PCDH7: variants seen among roughly 807,000 people sequenced by gnomAD.
The protein encoded by PCDH7 is protocadherin-7.
PCDH7 carries 17 observed loss-of-function variants against 58.9 expected under a neutral mutation model. The observed-to-expected ratio is 0.29, with a 90% CI of 0.20 to 0.43. The LOEUF is 0.43. Among genes scored for constraint, PCDH7 ranks in the 20% least tolerant of loss-of-function variants. The pLI is 1.00. For synonymous variants in PCDH7, 664 were observed against 616.4 expected (o/e 1.08, Z -1.14); for missense variants, 1,274 against 1,441.0 (o/e 0.88, Z 1.88).
chr4:30,750,913 T>C lies in PCDH7; in HGVS notation c.70+26317T>C, dbSNP rs755151877. 2.0e-4 allele frequency among the ~76,000 whole-genome samples: 31 copies of C among 152,264 alleles called. 1 individual carries two copies. The highest frequency in any genetic ancestry group is 4.4e-4 in the Non-Finnish European group (30 of 68,020). ...TTTTTTTCCAGGATGTAGAAAGTTC[T>C]TGCAGAATAGGTGATATTTACAGAG... On this transcript the variant is annotated intron_variant, in intron 1 of 3. Transcript: ENST00000509759.
At chr4:31,058,753 T>C (rs1029261524) in intron 3 of PCDH7, among the ~76,000 whole-genome samples, 7 of 151,968 alleles carry the variant, frequency 4.6e-5, no homozygotes, top group Admixed American at 1.3e-4. Flanking sequence ...TAATAAACAC[T>C]CTCTCATGTA....
intron 3 of PCDH7, among the ~76,000 whole-genome samples, chr4:31,030,783 A>G (rs569181305): frequency 1.8e-4 from 28 of 152,200 alleles, no homozygotes; most frequent in Non-Finnish European, 3.4e-4. Context: ...TGTCTATACC[A>G]TTCTTCAGAT....
At chr4:30,966,845 A>T (rs1749038994) in intron 3 of PCDH7, among the ~76,000 whole-genome samples, 1 of 152,136 alleles carries the variant, frequency 6.6e-6, no homozygotes, top group Non-Finnish European at 1.5e-5. Context: ...AAATCCTATT[A>T]TTCTTGTGAG....
intron 1 of PCDH7, among the ~76,000 whole-genome samples, chr4:30,887,630 G>C (rs574020251): frequency 6.6e-6 from 1 of 152,248 alleles, no homozygotes; most frequent in East Asian, 1.9e-4. Flanking sequence ...CAGTAAACAA[G>C]TGTGATTACA....
intron 1 of PCDH7, among the ~76,000 whole-genome samples, chr4:30,889,172 G>A (rs914295447): frequency 2.4e-4 from 33 of 135,420 alleles, no homozygotes; most frequent in African/African-American, 8.9e-4. Flanking sequence ...AGAAAATACT[G>A]TATATTTACT....
At chr4:30,889,862 T>A (rs1209722195) in intron 1 of PCDH7, among the ~76,000 whole-genome samples, 2 of 152,136 alleles carry the variant, frequency 1.3e-5, no homozygotes, top group South Asian at 2.1e-4. Flanking sequence ...GACACAGACA[T>A]AACATTCAGA....
intron 1 of PCDH7, among the ~76,000 whole-genome samples, chr4:30,908,257 A>G (rs998649395): frequency 1.4e-5 from 2 of 147,200 alleles, no homozygotes; most frequent in South Asian, 4.3e-4. Context: ...AAAAAAAAAG[A>G]AGAAAAGAAA....
intron 3 of PCDH7, among the ~76,000 whole-genome samples, chr4:31,066,775 A>G (rs1184281097): frequency 1.3e-5 from 2 of 151,948 alleles, no homozygotes; most frequent in African/African-American, 4.8e-5. Context: ...ATTAAATATT[A>G]TTTCATAAAG....
At chr4:30,860,343 G>GA (rs1734035436) in intron 1 of PCDH7, among the ~76,000 whole-genome samples, 2 of 151,862 alleles carry the variant, frequency 1.3e-5, no homozygotes, top group Admixed American at 1.3e-4. Flanking sequence ...CACTGAATTA[G>GA]AAAAAGTCAC....
intron 3 of PCDH7, among the ~76,000 whole-genome samples, chr4:31,056,629 G>A (rs1039450406): frequency 1.3e-5 from 2 of 150,004 alleles, no homozygotes; most frequent in Non-Finnish European, 3.0e-5. Flanking sequence ...AAGACAGAGA[G>A]AGAGAGGAGA....
chr4:30,771,462 C>CTTA (rs1721388778), intron 1 of PCDH7, among the ~76,000 whole-genome samples: 1 of 152,138 alleles, frequency 6.6e-6, no homozygotes, highest in Admixed American at 6.5e-5. Flanking sequence ...GTCAGAGGAT[C>CTTA]TTAGCATTCA....
chr4:30,927,441 GA>G (rs1457840184), intron 2 of PCDH7, among the ~76,000 whole-genome samples: 3 of 151,808 alleles, frequency 2.0e-5, no homozygotes, highest in Non-Finnish European at 2.9e-5. Context: ...AAAAGATTGA[GA>G]AATCGGATGG....
chr4:30,976,382 C>A (rs1046023248), intron 3 of PCDH7, among the ~76,000 whole-genome samples: 1 of 149,716 alleles, frequency 6.7e-6, no homozygotes, highest in African/African-American at 2.5e-5. Flanking sequence ...TGAGCCACCA[C>A]GCCGGGCCAT....
At chr4:30,907,470 C>T (rs1741109836) in intron 1 of PCDH7, among the ~76,000 whole-genome samples, 2 of 152,164 alleles carry the variant, frequency 1.3e-5, no homozygotes, top group African/African-American at 2.4e-5. Flanking sequence ...CAAAAGAAGA[C>T]ATTTACTCAG....
intron 3 of PCDH7, among the ~76,000 whole-genome samples, chr4:31,079,144 A>G (rs896151470): frequency 6.6e-6 from 1 of 151,372 alleles, no homozygotes; most frequent in Non-Finnish European, 1.5e-5. Context: ...AAGAATGAGG[A>G]TGTTTTCTTT....
intron 3 of PCDH7, among the ~76,000 whole-genome samples, chr4:31,078,405 C>T (rs1350303929): frequency 2.0e-5 from 3 of 152,066 alleles, no homozygotes; most frequent in Non-Finnish European, 2.9e-5. Context: ...ACTTCAGCCT[C>T]CCAAGTAGCC....
At chr4:30,776,419 C>T in intron 1 of PCDH7, 1 of 152,176 alleles carries the variant, frequency 6.6e-6, no homozygotes, top group Non-Finnish European at 1.5e-5. Context: ...AAAAATTGGA[C>T]ATAGGATCTG....
At chr4:30,854,673 T>G (rs1733229204) in intron 1 of PCDH7, among the ~76,000 whole-genome samples, 1 of 151,978 alleles carries the variant, frequency 6.6e-6, no homozygotes, top group African/African-American at 2.4e-5. Context: ...TAAAATTGTT[T>G]GCAGCAAAAG....
At chr4:30,920,212 A>G in exon 2 of PCDH7, 1 of 1,367,824 alleles carries the variant, frequency 7.3e-7, no homozygotes, top group Non-Finnish European at 9.8e-7. Flanking sequence ...ATCAGGGGTC[A>G]CTGCAGAGTT....
Sources: gnomAD v4.1 joint callset for allele counts (sites outside exome capture counted in the v4.1 genomes callset) on GRCh38, gnomAD v4.1.1 for gene constraint, MANE v1.5 for transcripts, NCBI Gene and HGNC (gene_info 2026-07-23, HGNC 2026-07-21) for gene names.